KAZN: variants seen among roughly 807,000 people sequenced by gnomAD.
KAZN encodes the protein kazrin, periplakin interacting protein.
KAZN carries 40 observed loss-of-function variants against 87.4 expected under a neutral mutation model. The ratio of observed to expected loss-of-function variants is 0.46; its 90% CI spans 0.36 to 0.60. The LOEUF (loss-of-function observed/expected upper bound fraction) is 0.60. Ranked by LOEUF, KAZN falls within the 20% of genes least tolerant of loss-of-function variation. The pLI is 0.00. For synonymous variants in KAZN, 466 were observed against 458.3 expected, an observed-to-expected ratio of 1.02 and a Z score of -0.22; for missense variants, 898 against 1,073.9, an observed-to-expected ratio of 0.84 and a Z score of 2.29.
intron 2 of KAZN, among the ~76,000 whole-genome samples, chr1:14,248,424 C>T (rs182727497): frequency 6.6e-6 from 1 of 152,258 alleles, no homozygotes; most frequent in East Asian, 1.9e-4. Flanking sequence ...TTAGGATGTC[C>T]ACAATTTGGA....
At chr1:14,639,635 T>G (rs1219307798) in intron 1 of KAZN, among the ~76,000 whole-genome samples, 1 of 152,160 alleles carries the variant, frequency 6.6e-6, no homozygotes, top group African/African-American at 2.4e-5. Flanking sequence ...TCTCACAAGC[T>G]GTTTGTAAAC....
At chr1:14,160,248 T>G (rs1645681479) in intron 1 of KAZN, among the ~76,000 whole-genome samples, 1 of 152,312 alleles carries the variant, frequency 6.6e-6, no homozygotes, top group East Asian at 1.9e-4. Context: ...TTCAGACCAC[T>G]GACATAGGCA....
At chr1:14,342,778 G>T (rs2789739) in intron 2 of KAZN, among the ~76,000 whole-genome samples, 8,371 of 152,230 alleles carry the variant, frequency 0.055, 296 homozygotes, top group South Asian at 0.086. Context: ...GCCATCAGAG[G>T]GAACATTCTG....
At chr1:14,501,986 G>T (rs1670281679) in intron 2 of KAZN, among the ~76,000 whole-genome samples, 1 of 152,178 alleles carries the variant, frequency 6.6e-6, no homozygotes, top group South Asian at 2.1e-4. Flanking sequence ...GACTAGTAAT[G>T]ATTACAGATT....
chr1:14,464,436 C>A (rs1052871061), intron 2 of KAZN, among the ~76,000 whole-genome samples: 1 of 152,148 alleles, frequency 6.6e-6, no homozygotes, highest in African/African-American at 2.4e-5. Context: ...TTGGTTTACC[C>A]AAGTCCTCCC....
chr1:14,259,213 A>AGTATGCTGG (rs1181374726), intron 2 of KAZN, among the ~76,000 whole-genome samples: 2 of 152,032 alleles, frequency 1.3e-5, no homozygotes, highest in Non-Finnish European at 2.9e-5. Flanking sequence ...GGATTCAGAG[A>AGTATGCTGG]GTATGCTGGG....
chr1:14,729,490 G>A (rs930332546), intron 1 of KAZN, among the ~76,000 whole-genome samples: 2 of 152,156 alleles, frequency 1.3e-5, no homozygotes, highest in African/African-American at 4.8e-5. Flanking sequence ...TAAGTCTGTG[G>A]TCCATAGAGT....
chr1:14,180,472 C>T, exon 2 of KAZN: 1 of 1,550,354 alleles, frequency 6.5e-7, no homozygotes, highest in Non-Finnish European at 8.7e-7. Flanking sequence ...ACCAGATTTC[C>T]CATTTTATTG....
At chr1:14,118,867 G>A (rs1378417991) in intron 1 of KAZN, among the ~76,000 whole-genome samples, 1 of 152,168 alleles carries the variant, frequency 6.6e-6, no homozygotes, top group Non-Finnish European at 1.5e-5. Context: ...CATCTGAGCT[G>A]TAATTTGACT....
Position 15,114,320 on chromosome 1 carries a change from A to G in KAZN, c.2164-151A>G, listed in dbSNP as rs1557810729. The G allele has an allele frequency of 6.2e-6, 4 of 649,740 alleles. No individual in the cohort carries two copies. The East Asian group carries it at 1.1e-4, about 18-fold the overall frequency. The allele number at this position is 649,740 out of a possible 1,614,324, so 40.2% of individuals were successfully genotyped here. A position where few individuals can be genotyped will look rare whatever the true frequency, so the allele number is the denominator to read the frequency against. On this transcript the variant is annotated intron_variant, in intron 14 of 14. Coordinates refer to ENST00000376030, the MANE Select transcript of KAZN (RefSeq NM_201628.3). ...CAAACTCCCCTCAACCTCCCTGAGCAGGGAGTATTATTACTAATAGGAGGA... is the reference window on the plus strand; with the variant it reads ...CAAACTCCCCTCAACCTCCCTGAGCGGGGAGTATTATTACTAATAGGAGGA...
chr1:14,524,785 T>C (rs1167398365), intron 2 of KAZN, among the ~76,000 whole-genome samples: 1 of 152,234 alleles, frequency 6.6e-6, no homozygotes, highest in Non-Finnish European at 1.5e-5. Flanking sequence ...TCATGTTGAT[T>C]CTCATATGTA....
chr1:14,071,082 T>C (rs1379979030), intron 1 of KAZN, among the ~76,000 whole-genome samples: 1 of 151,814 alleles, frequency 6.6e-6, no homozygotes, highest in East Asian at 1.9e-4. Context: ...AAACCCAGGG[T>C]TCCTTTTACT....
intron 1 of KAZN, among the ~76,000 whole-genome samples, chr1:13,900,684 G>A (rs1459722416): frequency 6.6e-6 from 1 of 152,140 alleles, no homozygotes; most frequent in Non-Finnish European, 1.5e-5. Context: ...AGAGCTCCAT[G>A]GCTTGGGTTC....
At chr1:14,591,418 A>AACACACACACAC (rs36060158) in intron 2 of KAZN, among the ~76,000 whole-genome samples, 53 of 147,388 alleles carry the variant, frequency 3.6e-4, no homozygotes, top group African/African-American at 1.3e-3. Context: ...GGAAAGAAGA[A>AACACACACACAC]ACACACACAC....
In KAZN at chr1:14,311,829, T is replaced by C. The variant is rs373163587; in HGVS notation, c.249+131237T>C. Among the ~76,000 whole-genome samples, 40 of 152,060 alleles carry C rather than the reference T, an allele frequency of 2.6e-4. No individual in the cohort carries two copies. The East Asian group carries it at 5.4e-3, about 21-fold the overall frequency. On this transcript the variant is annotated intron_variant, in intron 2 of 16. Coordinates refer to the KAZN transcript ENST00000636203. Reference sequence around the variant, plus strand: ...TAGTGAAGAGAAAAAGTAGTGCAAATGTATGGAGGTGGGGACCAGATGAGG... The same window carrying C: ...TAGTGAAGAGAAAAAGTAGTGCAAACGTATGGAGGTGGGGACCAGATGAGG...
chr1:14,513,882 T>C (rs145983306), intron 2 of KAZN, among the ~76,000 whole-genome samples: 258 of 152,204 alleles, frequency 1.7e-3, no homozygotes, highest in African/African-American at 5.6e-3. Context: ...AGAAGATCAT[T>C]CTTAGAGGTG....
At chr1:13,943,913 C>A (rs1570348916) in intron 1 of KAZN, among the ~76,000 whole-genome samples, 2 of 152,100 alleles carry the variant, frequency 1.3e-5, no homozygotes, top group African/African-American at 2.4e-5. Flanking sequence ...GAAATGGGAA[C>A]CTTCCAGTAT....
chr1:14,399,990 AAAG>A (rs1329721596), intron 2 of KAZN, among the ~76,000 whole-genome samples: 1 of 150,604 alleles, frequency 6.6e-6, no homozygotes, highest in Non-Finnish European at 1.5e-5. Context: ...TAAAATAAAA[AAAG>A]AAGGAATGAT....
At chr1:14,802,501 G>T (rs903126709) in intron 1 of KAZN, among the ~76,000 whole-genome samples, 5 of 152,036 alleles carry the variant, frequency 3.3e-5, no homozygotes, top group African/African-American at 1.2e-4. Context: ...GTATGGGGGG[G>T]TTACTAGTGA....
Sources: allele counts gnomAD v4.1 joint callset (sites outside exome capture counted in the v4.1 genomes callset), GRCh38; gene constraint gnomAD v4.1.1; transcripts MANE v1.5; gene names NCBI Gene and HGNC (gene_info 2026-07-23, HGNC 2026-07-21).